Variants in ZMIZ1 observed in about 807,000 individuals in gnomAD.
The protein encoded by ZMIZ1 is zinc finger MIZ-type containing 1, also known as zinc finger MIZ domain-containing protein 1.
ZMIZ1 carries 17 observed loss-of-function variants against 113.9 expected under a neutral mutation model. The observed-to-expected ratio is 0.15, with a 90% CI of 0.10 to 0.22. ZMIZ1 has a LOEUF of 0.22. Ranked by LOEUF, ZMIZ1 falls within the 10% of genes least tolerant of loss-of-function variation. ZMIZ1 has a pLI of 1.00. For synonymous variants in ZMIZ1, 607 were observed against 603.1 expected, an observed-to-expected ratio of 1.01 and a Z score of -0.09; for missense variants, 1,059 against 1,477.8, an observed-to-expected ratio of 0.72 and a Z score of 4.65.
chr10:79,256,775 A>T (rs1309303121), intron 7 of ZMIZ1, among the ~76,000 whole-genome samples: 1 of 152,262 alleles, frequency 6.6e-6, no homozygotes, highest in Non-Finnish European at 1.5e-5. Flanking sequence ...CCACTGACAC[A>T]GTCAGATCCC....
In ZMIZ1 at chr10:79,069,192, C is replaced by A; in HGVS notation, c.-415C>A. The A allele has an allele frequency of 6.6e-6, 1 of 150,470 alleles. No homozygotes were observed. Among genetic ancestry groups the A allele is most frequent in the South Asian group, 2.0e-4 (1 of 4,972 alleles). 9.3% of individuals were successfully genotyped at this position (150,470 alleles called of 1,614,324 possible). ...CGGATCTCGGCGCCCTCGCTGCGCT[C>A]CTCCCGGCCCGAGCCTGCCCTACCC... On this transcript the variant is annotated 5_prime_UTR_variant, in exon 1 of 25. Coordinates refer to ENST00000334512, the MANE Select transcript of ZMIZ1 (RefSeq NM_020338.4). This position sits in a 1 kb window ranked among gnomAD's most constrained non-coding sequence, Gnocchi z 4.6.
intron 7 of ZMIZ1, among the ~76,000 whole-genome samples, chr10:79,263,370 G>A (rs534908843): frequency 2.0e-5 from 3 of 152,338 alleles, no homozygotes; most frequent in Admixed American, 2.0e-4. Context: ...AGGGAAGGGT[G>A]GGGTGGAGTC....
intron 3 of ZMIZ1, among the ~76,000 whole-genome samples, chr10:79,158,611 T>C (rs1435171347): frequency 1.3e-5 from 2 of 152,220 alleles, no homozygotes; most frequent in Admixed American, 6.5e-5. Context: ...CGGGCACCAC[T>C]GCCCTCCAGG....
At chr10:79,071,245 C>T (rs186561786) in intron 1 of ZMIZ1, among the ~76,000 whole-genome samples, 22 of 152,362 alleles carry the variant, frequency 1.4e-4, no homozygotes, top group African/African-American at 5.3e-4. Context: ...GTTTGTCTCC[C>T]TGCTGCAACC....
chr10:79,256,908 G>A (rs1850942213), intron 7 of ZMIZ1, among the ~76,000 whole-genome samples: 1 of 152,186 alleles, frequency 6.6e-6, no homozygotes, highest in South Asian at 2.1e-4. Flanking sequence ...AAAAAGAGGT[G>A]GGGAGACCTG....
At chr10:79,087,472 T>C (rs2132212453) in intron 1 of ZMIZ1, among the ~76,000 whole-genome samples, 1 of 152,300 alleles carries the variant, frequency 6.6e-6, no homozygotes, top group East Asian at 1.9e-4. Flanking sequence ...AACTGATGTC[T>C]TTGGACTCCA....
chr10:79,208,312 C>T, intron 5 of ZMIZ1, 24 bp from the exon 6 acceptor site: 1 of 1,605,238 alleles, frequency 6.2e-7, no homozygotes. Context: ...GGAGCCTCAG[C>T]CGCCTCCTTT....
chr10:79,162,256 G>A (rs866732459), intron 4 of ZMIZ1, 123 bp downstream of exon 4: 16 of 397,066 alleles, frequency 4.0e-5, no homozygotes, highest in African/African-American at 2.9e-4. Flanking sequence ...AGGGGCAGGA[G>A]CGGGCACAAG....
chr10:79,070,792 G>A (rs978998696), intron 1 of ZMIZ1, among the ~76,000 whole-genome samples: 11 of 152,202 alleles, frequency 7.2e-5, no homozygotes, highest in African/African-American at 2.6e-4. Flanking sequence ...CAGCTTCCTG[G>A]GTAGGCAGTG....
chr10:79,268,606 G>A (rs1851745003), intron 7 of ZMIZ1, among the ~76,000 whole-genome samples: 1 of 152,238 alleles, frequency 6.6e-6, no homozygotes, highest in African/African-American at 2.4e-5. Context: ...TGCCAGGGTT[G>A]TAGAAGTGAA....
At chr10:79,107,646 G>A (rs1035426314) in intron 1 of ZMIZ1, among the ~76,000 whole-genome samples, 2 of 152,198 alleles carry the variant, frequency 1.3e-5, no homozygotes, top group African/African-American at 2.4e-5. Context: ...CACACTACTC[G>A]GAGGCATTCA....
At chr10:79,207,654 A>T (rs558560531) in intron 5 of ZMIZ1, among the ~76,000 whole-genome samples, 73 of 152,326 alleles carry the variant, frequency 4.8e-4, no homozygotes, top group African/African-American at 1.7e-3. Flanking sequence ...CCATGCCAGC[A>T]GCCTCTGAGC....
chr10:79,102,530 A>G (rs1008726237), intron 1 of ZMIZ1, among the ~76,000 whole-genome samples: 3 of 152,266 alleles, frequency 2.0e-5, no homozygotes, highest in Non-Finnish European at 4.4e-5. Flanking sequence ...GGGGGACAGG[A>G]TGTGGTTTTC....
intron 4 of ZMIZ1, among the ~76,000 whole-genome samples, chr10:79,178,593 G>A (rs1210883510): frequency 6.6e-6 from 1 of 152,162 alleles, no homozygotes. Context: ...CAGCTTTATG[G>A]AAGACAGATT....
rs545073892 is a variant in ZMIZ1, at chr10:79,292,183, G to A, written c.784G>A (p.Ala262Thr). Reference sequence around the variant, plus strand: ...TTACCCTGGGGGTCCTAACGCCCCCGCAGGCATGGGCATCCCTCCGCACAC... The same window carrying A: ...TTACCCTGGGGGTCCTAACGCCCCCACAGGCATGGGCATCCCTCCGCACAC... Reference protein sequence around the residue: ...ASYPGGPNAPAGMGIPPHTRP... With the variant: ...ASYPGGPNAPTGMGIPPHTRP... Residue 262 changes from alanine to threonine, a missense_variant, in exon 11 of 25, where the codon GCA becomes ACA. Transcript: ENST00000334512. 92 of 1,610,694 alleles carry A rather than the reference G, an allele frequency of 5.7e-5. No homozygotes were observed. The East Asian group carries it at 9.4e-4, about 16-fold the overall frequency.
chr10:79,311,539 C>T (rs191563151), intron 24 of ZMIZ1, among the ~76,000 whole-genome samples: 1 of 152,160 alleles, frequency 6.6e-6, no homozygotes, highest in Admixed American at 6.5e-5. Context: ...CTCTCTGGCC[C>T]GGGCAGGGAG....
chr10:79,274,404 C>A (rs1267073556), intron 7 of ZMIZ1, among the ~76,000 whole-genome samples: 1 of 152,198 alleles, frequency 6.6e-6, no homozygotes, highest in Admixed American at 6.5e-5. Context: ...CACCCAGACA[C>A]CCGCCCAGCT....
intron 7 of ZMIZ1, among the ~76,000 whole-genome samples, chr10:79,262,164 A>G (rs180852672): frequency 1.6e-4 from 25 of 152,368 alleles, no homozygotes; most frequent in African/African-American, 3.8e-4. Context: ...GAGCACCTGC[A>G]TCTTGCAGGC....
chr10:79,173,430 C>T (rs1308863250), intron 4 of ZMIZ1, among the ~76,000 whole-genome samples: 2 of 152,040 alleles, frequency 1.3e-5, no homozygotes, highest in East Asian at 3.9e-4. Context: ...AGATTAGGAC[C>T]AAAGGGTCCA....
Sources: allele counts gnomAD v4.1 joint callset (sites outside exome capture counted in the v4.1 genomes callset), GRCh38; gene constraint gnomAD v4.1.1; non-coding constraint Gnocchi (gnomAD v3.1); transcripts MANE v1.5; gene names NCBI Gene and HGNC (gene_info 2026-07-23, HGNC 2026-07-21).